The following DNAH8 variants were observed in gnomAD, a reference collection of about 807,000 sequenced individuals.
DNAH8 encodes dynein axonemal heavy chain 8.
In DNAH8, 382 loss-of-function variants were observed where a neutral mutation model predicts 562.1. The ratio of observed to expected loss-of-function variants is 0.68; its 90% confidence interval spans 0.63 to 0.74. The LOEUF is 0.74. DNAH8 is among the 30% of genes least tolerant of loss of function. The pLI, the probability that DNAH8 is intolerant of heterozygous loss-of-function variation, is 0.00. For missense variants in DNAH8, 5,203 were observed against 5,620.4 expected (o/e 0.93, Z 2.37); for synonymous variants, 1,881 against 1,919.4 (o/e 0.98, Z 0.52).
chr6:38,934,397 A>G (rs1782787018), intron 76 of DNAH8, among the ~76,000 whole-genome samples: 1 of 152,012 alleles, frequency 6.6e-6, no homozygotes, highest in African/African-American at 2.4e-5. Context: ...ACAGAAAAAA[A>G]TCACAAAAAA....
chr6:38,899,229 C>T (rs1156563887), intron 61 of DNAH8, among the ~76,000 whole-genome samples: 2 of 152,106 alleles, frequency 1.3e-5, no homozygotes, highest in Non-Finnish European at 2.9e-5. Flanking sequence ...AGAAAAGCAA[C>T]ACAACATGAA....
chr6:38,770,812 A>G (rs1767494220), intron 12 of DNAH8, among the ~76,000 whole-genome samples: 1 of 152,146 alleles, frequency 6.6e-6, no homozygotes, highest in South Asian at 2.1e-4. Flanking sequence ...ACCTCTACCT[A>G]TGAAACTTCA....
At position 38,752,167 on chromosome 6, in the gene DNAH8, C is replaced by T. The variant is rs190885039; in HGVS notation, c.1407+1578C>T. Among the ~76,000 whole-genome samples the T allele has an allele frequency of 4.4e-3, 671 of 151,286 alleles. 9 individuals carry two copies. The highest frequency in any genetic ancestry group is 8.0e-3 in the Non-Finnish European group (546 of 67,984). Reference sequence around the variant, plus strand: ...AATGCTTCCTCTTTCCTTCCTCCCCCCACCCCACCACCCCGGGATGGAGTC... The same window carrying T: ...AATGCTTCCTCTTTCCTTCCTCCCCTCACCCCACCACCCCGGGATGGAGTC... On this transcript the variant is annotated intron_variant, in intron 9 of 92. Transcript: ENST00000327475.
chr6:38,984,885 C>G (rs1764281904), intron 87 of DNAH8, among the ~76,000 whole-genome samples: 1 of 152,176 alleles, frequency 6.6e-6, no homozygotes, highest in Non-Finnish European at 1.5e-5. Flanking sequence ...ACTCCTTTCC[C>G]ATGTAGATGA....
At chr6:38,796,739 T>C (rs764870532) in intron 21 of DNAH8, among the ~76,000 whole-genome samples, 18 of 152,144 alleles carry the variant, frequency 1.2e-4, no homozygotes, top group Admixed American at 1.3e-4. Flanking sequence ...GGGGACCTGC[T>C]TAGAGTTGTA....
intron 87 of DNAH8, among the ~76,000 whole-genome samples, chr6:38,985,627 C>G (rs910329753): frequency 2.6e-5 from 4 of 152,222 alleles, no homozygotes; most frequent in Non-Finnish European, 5.9e-5. Context: ...TCCAGTAATA[C>G]TTACTGAAAT....
intron 85 of DNAH8, among the ~76,000 whole-genome samples, chr6:38,976,080 C>G (rs141030909): frequency 6.6e-6 from 1 of 152,288 alleles, no homozygotes; most frequent in Non-Finnish European, 1.5e-5. Flanking sequence ...GGTGAAGTTA[C>G]CAGTGGAGTG....
chr6:38,989,507 C>T (rs941492925), intron 87 of DNAH8, among the ~76,000 whole-genome samples: 1 of 152,212 alleles, frequency 6.6e-6, no homozygotes, highest in African/African-American at 2.4e-5. Flanking sequence ...AGCTCTTCAA[C>T]TCAAGGTGGG....
rs1562596609 is a variant in DNAH8 at position 38,737,261 on chromosome 6, G to C, written c.952+5G>C. ...GATATCTTTCATTTTTAGATGGTAAGTATAAAATTTAATGTTTAGCAAATT... is the reference window on the plus strand; with the variant it reads ...GATATCTTTCATTTTTAGATGGTAACTATAAAATTTAATGTTTAGCAAATT... On this transcript the variant is annotated splice_donor_5th_base_variant and intron_variant, in intron 6 of 92. Coordinates refer to ENST00000327475, the MANE Select transcript of DNAH8 (RefSeq NM_001206927.2). The C allele has an allele frequency of 3.6e-6, 5 of 1,407,488 alleles. No individual in the cohort carries two copies. Among genetic ancestry groups the C allele is most frequent in the Non-Finnish European group, 4.7e-6 (5 of 1,070,284 alleles). 87.2% of individuals were successfully genotyped at this position (1,407,488 alleles called of 1,614,324 possible).
intron 86 of DNAH8, 44 bp from the exon 87 acceptor site, chr6:38,984,162 T>G (rs2150717788): frequency 8.7e-7 from 1 of 1,146,286 alleles, no homozygotes; most frequent in East Asian, 2.4e-5. Flanking sequence ...TATAATGATG[T>G]GTTTGGGTTG....
rs547384318 is a variant in DNAH8 at position 38,842,272 on chromosome 6, G to A, written c.4467-96G>A. On this transcript the variant is annotated intron_variant, in intron 33 of 92. Coordinates refer to ENST00000327475, the MANE Select transcript of DNAH8 (RefSeq NM_001206927.2). ...ATCTATAAGACATTGTACACGCAAT[G>A]TATGAAATATTTGATTGGATGAACT... 3 of 968,414 alleles carry A rather than the reference G, an allele frequency of 3.1e-6. No individual in the cohort carries two copies. The African/African-American group carries it at 4.9e-5, about 16-fold the overall frequency. 60.0% of individuals were successfully genotyped at this position (968,414 alleles called of 1,614,324 possible). A position where few individuals can be genotyped will look rare whatever the true frequency, so the allele number is the denominator to read the frequency against.
intron 53 of DNAH8, among the ~76,000 whole-genome samples, chr6:38,880,108 G>A (rs564131547): frequency 8.2e-4 from 125 of 152,112 alleles, no homozygotes; most frequent in South Asian, 1.2e-3. Context: ...TTAGCCAGGT[G>A]TTGTGGTATA....
chr6:38,801,640 G>A (rs1322091461), intron 21 of DNAH8, among the ~76,000 whole-genome samples: 3 of 152,222 alleles, frequency 2.0e-5, no homozygotes, highest in Middle Eastern at 3.2e-3. Flanking sequence ...GTTTAGCACT[G>A]CATTGAATAA....
chr6:39,009,012 T>G, intron 89 of DNAH8, 42 bp downstream of exon 89: 1 of 1,440,494 alleles, frequency 6.9e-7, no homozygotes, highest in Non-Finnish European at 9.6e-7. Flanking sequence ...GGGCTATTTG[T>G]ATATTTAAAC....
intron 91 of DNAH8, among the ~76,000 whole-genome samples, chr6:39,015,744 T>C (rs1766524928): frequency 6.6e-6 from 1 of 152,202 alleles, no homozygotes; most frequent in South Asian, 2.1e-4. Context: ...TGCCTTACTT[T>C]CCTTCATTTG....
At chr6:38,955,712 TCATATCCCTCCA>T (rs1185619238) in intron 82 of DNAH8, among the ~76,000 whole-genome samples, 2 of 152,168 alleles carry the variant, frequency 1.3e-5, no homozygotes, top group African/African-American at 4.8e-5. Flanking sequence ...GCAAGATGTC[TCATATCCCTCCA>T]CATATCCCTC....
intron 52 of DNAH8, among the ~76,000 whole-genome samples, chr6:38,874,692 T>C (rs1777852884): frequency 1.3e-5 from 2 of 152,040 alleles, no homozygotes. Context: ...TCCTACTCGG[T>C]TTTCCTTATT....
At chr6:39,008,740 T>A (rs1284889894) in intron 88 of DNAH8, 74 bp from the exon 89 acceptor site, 1 of 825,910 alleles carries the variant, frequency 1.2e-6, no homozygotes, top group Admixed American at 2.8e-5. Flanking sequence ...ATTCTATCAG[T>A]TCATTTTAAC....
intron 26 of DNAH8, among the ~76,000 whole-genome samples, chr6:38,816,820 A>G (rs1442119889): frequency 6.6e-6 from 1 of 152,020 alleles, no homozygotes; most frequent in African/African-American, 2.4e-5. Context: ...TTTGATTTGC[A>G]TTTCTGTAAT....
Sources: allele counts gnomAD v4.1 joint callset (sites outside exome capture counted in the v4.1 genomes callset), GRCh38; gene constraint gnomAD v4.1.1; transcripts MANE v1.5; gene names NCBI Gene and HGNC (gene_info 2026-07-23, HGNC 2026-07-21).